Variants in WWOX observed in about 807,000 individuals in gnomAD.
The protein encoded by WWOX is WW domain containing oxidoreductase, also known as WW domain-containing oxidoreductase.
WWOX carries 69 observed loss-of-function variants against 46.2 expected under a neutral mutation model. The ratio of observed to expected loss-of-function variants is 1.49; its 90% confidence interval spans 1.23 to 1.82. The LOEUF is 1.82. Ranked by LOEUF, WWOX falls within the 40% of genes most tolerant of loss-of-function variation. The pLI is 0.00. For missense variants in WWOX, 919 were observed against 542.6 expected (o/e 1.69, Z -6.89); for synonymous variants, 359 against 202.6 (o/e 1.77, Z -6.56).
At chr16:78,283,556 A>G (rs2151856006) in intron 5 of WWOX, among the ~76,000 whole-genome samples, 1 of 152,302 alleles carries the variant, frequency 6.6e-6, no homozygotes, top group African/African-American at 2.4e-5. Context: ...CCTTACTGCT[A>G]CAATTTGAAA....
intron 8 of WWOX, among the ~76,000 whole-genome samples, chr16:79,072,748 A>G (rs962403828): frequency 1.3e-5 from 2 of 152,180 alleles, no homozygotes; most frequent in Non-Finnish European, 2.9e-5. Flanking sequence ...TCTTCCAGCA[A>G]TTCTTCAACT....
intron 8 of WWOX, among the ~76,000 whole-genome samples, chr16:79,111,800 C>T (rs1002724561): frequency 2.0e-5 from 3 of 152,170 alleles, no homozygotes; most frequent in East Asian, 1.9e-4. Context: ...TTATAGACCA[C>T]ACCATCCCAT....
chr16:79,167,463 G>T (rs1383016544), intron 8 of WWOX, among the ~76,000 whole-genome samples: 1 of 152,100 alleles, frequency 6.6e-6, no homozygotes, highest in Non-Finnish European at 1.5e-5. Flanking sequence ...ATTTAGTGAA[G>T]GAATGGGAGG....
chr16:78,412,188 G>T (rs1404795812), intron 6 of WWOX, among the ~76,000 whole-genome samples: 1 of 152,172 alleles, frequency 6.6e-6, no homozygotes, highest in African/African-American at 2.4e-5. Flanking sequence ...GAGACTAAAG[G>T]AGAAGATGGG....
At chr16:78,705,785 A>G (rs758547006) in intron 8 of WWOX, among the ~76,000 whole-genome samples, 4 of 152,200 alleles carry the variant, frequency 2.6e-5, no homozygotes, top group Non-Finnish European at 4.4e-5. Context: ...GCACACATAC[A>G]TTGAAAACAA....
chr16:78,235,717 TGTTTACAA>T (rs2037413072), intron 5 of WWOX, among the ~76,000 whole-genome samples: 1 of 149,752 alleles, frequency 6.7e-6, no homozygotes, highest in Non-Finnish European at 1.5e-5. Flanking sequence ...CAGGCCACCC[TGTTTACAA>T]GGCTGTCCTC....
Position 78,434,693 on chromosome 16 carries a change from T to C in WWOX, c.1056+1941T>C, listed in dbSNP as rs145945043. ...GGCATCAGAGAGTTCGTTTTCTCCTTCTTCCATAAGGTCCCTAATCAGAGG... is the reference window on the plus strand; with the variant it reads ...GGCATCAGAGAGTTCGTTTTCTCCTCCTTCCATAAGGTCCCTAATCAGAGG... On this transcript the variant is annotated intron_variant, in intron 8 of 8. Transcript: ENST00000566780. Among the ~76,000 whole-genome samples the C allele has an allele frequency of 2.2e-3, 331 of 152,312 alleles. 5 individuals are homozygous for C. The East Asian group carries it at 0.053, about 24-fold the overall frequency.
At chr16:78,119,036 A>G (rs545907044) in intron 4 of WWOX, 1 of 152,328 alleles carries the variant, frequency 6.6e-6, no homozygotes, top group Non-Finnish European at 1.5e-5. Flanking sequence ...CTCAGTATCC[A>G]GGGGGAAGCC....
chr16:79,124,558 C>T lies in WWOX; in HGVS notation c.1057-87050C>T, dbSNP rs377619124. Among the ~76,000 whole-genome samples, 123 of 152,208 alleles carry T rather than the reference C, an allele frequency of 8.1e-4. No homozygotes were observed. The South Asian group carries it at 0.011, about 13-fold the overall frequency. On this transcript the variant is annotated intron_variant, in intron 8 of 8. Coordinates refer to ENST00000566780, the MANE Select transcript of WWOX (RefSeq NM_016373.4). ...CAGATTCAGCATCTTTTGTTATACC[C>T]GAAGTGCATTCCATGGCCCTGTCCC...
intron 8 of WWOX, among the ~76,000 whole-genome samples, chr16:78,719,279 A>AG (rs149209186): frequency 0.031 from 4,755 of 152,316 alleles, 108 homozygotes; most frequent in Non-Finnish European, 0.048. Context: ...CCATGGCTGA[A>AG]GGGTTATTCT....
chr16:78,522,347 T>G (rs1373234942), intron 8 of WWOX, among the ~76,000 whole-genome samples: 1 of 152,060 alleles, frequency 6.6e-6, no homozygotes, highest in African/African-American at 2.4e-5. Context: ...AACAAAAACC[T>G]AATTCTTTGA....
Position 78,833,030 on chromosome 16 carries a change from C to T in WWOX, c.1057-378578C>T, listed in dbSNP as rs538440556. Among the ~76,000 whole-genome samples, 18 of 125,738 alleles carry T rather than the reference C, an allele frequency of 1.4e-4. No homozygotes were observed. In the East Asian group the frequency reaches 1.6e-3, roughly 11 times the overall value. 82.5% of individuals were successfully genotyped at this position (125,738 alleles called of 152,430 possible). On this transcript the variant is annotated intron_variant, in intron 8 of 8. Transcript: ENST00000566780. ...AGTGGCCAGGCTCAGCCTTTTCTCT[C>T]GATCTTTTTTTTTTTTTTTTTCCTT...
intron 5 of WWOX, among the ~76,000 whole-genome samples, chr16:78,256,076 G>T (rs1372403669): frequency 6.7e-6 from 1 of 149,952 alleles, no homozygotes; most frequent in Non-Finnish European, 1.5e-5. Context: ...CTCGAACCCG[G>T]GAGGCAGAGG....
chr16:78,435,121 A>C (rs1226480424), intron 8 of WWOX, among the ~76,000 whole-genome samples: 1 of 152,064 alleles, frequency 6.6e-6, no homozygotes, highest in African/African-American at 2.4e-5. Context: ...CTGTTTTGGG[A>C]GTACGTGTGC....
At chr16:79,186,002 G>A (rs2051007233) in intron 8 of WWOX, among the ~76,000 whole-genome samples, 1 of 152,022 alleles carries the variant, frequency 6.6e-6, no homozygotes, top group East Asian at 1.9e-4. Flanking sequence ...TATGTCTGCT[G>A]GCCTTGAGAA....
chr16:78,110,822 C>T (rs986740183), intron 3 of WWOX, among the ~76,000 whole-genome samples: 32 of 152,146 alleles, frequency 2.1e-4, no homozygotes, highest in Non-Finnish European at 4.0e-4. Context: ...TGTTAAGGAT[C>T]CCACAGCAAA....
At chr16:78,282,687 C>T (rs1195289837) in intron 5 of WWOX, among the ~76,000 whole-genome samples, 2 of 151,740 alleles carry the variant, frequency 1.3e-5, no homozygotes, top group Non-Finnish European at 2.9e-5. Flanking sequence ...CCAGGCTGGC[C>T]AATGTGATGT....
At chr16:78,858,650 C>A (rs966203872) in intron 8 of WWOX, among the ~76,000 whole-genome samples, 13 of 151,806 alleles carry the variant, frequency 8.6e-5, no homozygotes, top group Admixed American at 6.6e-4. Context: ...TTTTCTTTAC[C>A]TGTCATGTTT....
At chr16:78,792,955 A>G (rs958778274) in intron 8 of WWOX, among the ~76,000 whole-genome samples, 14 of 152,222 alleles carry the variant, frequency 9.2e-5, no homozygotes, top group Non-Finnish European at 4.4e-5. Context: ...GCAATGCAAT[A>G]GGAAATCTCT....
Sources: gnomAD v4.1 joint callset for allele counts (sites outside exome capture counted in the v4.1 genomes callset) on GRCh38, gnomAD v4.1.1 for gene constraint, MANE v1.5 for transcripts, NCBI Gene and HGNC (gene_info 2026-07-23, HGNC 2026-07-21) for gene names.